The following MLXIP variants were observed in gnomAD, a reference collection of about 807,000 sequenced individuals.
MLXIP encodes the protein MLX interacting protein.
MLXIP carries 30 observed loss-of-function variants against 87.2 expected under a neutral mutation model. The ratio of observed to expected loss-of-function variants is 0.34; its 90% confidence interval spans 0.26 to 0.47. The LOEUF is 0.47. Ranked by LOEUF, MLXIP falls within the 20% of genes least tolerant of loss-of-function variation. The pLI is 1.00. For missense variants in MLXIP, 1,002 were observed against 1,240.1 expected, an observed-to-expected ratio of 0.81 and a Z score of 2.88; for synonymous variants, 530 against 514.0, an observed-to-expected ratio of 1.03 and a Z score of -0.42.
chr12:122,081,045 A>G (rs1423688694), intron 1 of MLXIP, among the ~76,000 whole-genome samples: 1 of 152,234 alleles, frequency 6.6e-6, no homozygotes, highest in Non-Finnish European at 1.5e-5. Flanking sequence ...TGGATAACCT[A>G]AAGGCTTATT....
At chr12:122,086,633 C>T (rs1952171766) in intron 1 of MLXIP, among the ~76,000 whole-genome samples, 1 of 152,124 alleles carries the variant, frequency 6.6e-6, no homozygotes, top group South Asian at 2.1e-4. Flanking sequence ...TGTTGGAGTT[C>T]TGTTGTCTGT....
chr12:122,131,441 C>CTTTTTT (rs1174308802), intron 7 of MLXIP, among the ~76,000 whole-genome samples: 7 of 76,572 alleles, frequency 9.1e-5, no homozygotes, highest in Admixed American at 3.6e-4. Flanking sequence ...TTGTTTGAGT[C>CTTTTTT]TTTTTTTTTT....
At chr12:122,097,850 C>CGA (rs1476871265) in intron 1 of MLXIP, among the ~76,000 whole-genome samples, 1 of 151,838 alleles carries the variant, frequency 6.6e-6, no homozygotes. Flanking sequence ...ATGGGTTCCC[C>CGA]CTCCCCACAA....
intron 1 of MLXIP, among the ~76,000 whole-genome samples, chr12:122,108,981 C>T (rs2135938743): frequency 6.6e-6 from 1 of 152,188 alleles, no homozygotes; most frequent in South Asian, 2.1e-4. Context: ...ATATAATTTC[C>T]TTTTTAGGTG....
Position 122,135,247 on chromosome 12 carries a change from G to A in MLXIP, c.1756G>A (p.Ala586Thr), listed in dbSNP as rs756377764. 1.3e-5 allele frequency: 21 copies of A among 1,613,408 alleles called. No individual in the cohort carries two copies. In the South Asian group the frequency reaches 2.3e-4, roughly 18 times the overall value. Residue 586 changes from alanine (A) to threonine (T), a missense_variant, in exon 10 of 17, where the codon GCG (alanine) becomes ACG (threonine). Ala to Thr is a moderately conservative substitution (Grantham distance 58, BLOSUM62 0). Coordinates refer to ENST00000319080, the MANE Select transcript of MLXIP (RefSeq NM_014938.6). This position sits in a 1 kb window ranked among gnomAD's most constrained non-coding sequence, Gnocchi z 5.3. ...AGCTGCCTTTTCAGGCCAACCACAA[G>A]CGGTGATCATGACGTCAGGGCCTCT... ...APAAFSGQPQ[A>T]VIMTSGPLKR...
intron 16 of MLXIP, 143 bp from the exon 17 acceptor site, chr12:122,141,548 C>T (rs900855278): frequency 1.5e-6 from 2 of 1,348,324 alleles, no homozygotes; most frequent in Admixed American, 2.9e-5. Context: ...GTGTCGGCCC[C>T]TGGCACTCCT....
chr12:122,141,298 T>G (rs1390104659), intron 16 of MLXIP, among the ~76,000 whole-genome samples: 2 of 152,178 alleles, frequency 1.3e-5, no homozygotes, highest in Non-Finnish European at 2.9e-5. Flanking sequence ...CAGACCCAGC[T>G]TGCATGGATC....
At chr12:122,104,726 C>T (rs1323173607) in intron 1 of MLXIP, among the ~76,000 whole-genome samples, 1 of 151,838 alleles carries the variant, frequency 6.6e-6, no homozygotes, top group East Asian at 1.9e-4. Context: ...ACTATAGGTG[C>T]CCGCCACCAC....
chr12:122,116,393 A>C (rs1952692371), intron 1 of MLXIP, among the ~76,000 whole-genome samples: 1 of 152,206 alleles, frequency 6.6e-6, no homozygotes, highest in Admixed American at 6.5e-5. Context: ...GAAAAGGCAA[A>C]GGGCATGGGC....
At chr12:122,092,741 G>A (rs1309751203) in intron 1 of MLXIP, among the ~76,000 whole-genome samples, 1 of 152,148 alleles carries the variant, frequency 6.6e-6, no homozygotes, top group African/African-American at 2.4e-5. Flanking sequence ...GGGGGAAAGG[G>A]ACAATACTTT....
At chr12:122,082,451 G>A (rs1952105577) in intron 1 of MLXIP, among the ~76,000 whole-genome samples, 1 of 152,188 alleles carries the variant, frequency 6.6e-6, no homozygotes, top group African/African-American at 2.4e-5. Flanking sequence ...GTGGAAGTGA[G>A]GATCAGCAGA....
Position 122,094,247 on chromosome 12 carries a change from TGGTG to T in MLXIP, c.413+14982_413+14985del, listed in dbSNP as rs1171994566. ...GTGTATGTGGTGTCTGGTGTGGTAT[TGGTG>T]TGTGTGTTGGTGTGTGGGTGTGTGC... On this transcript the variant is annotated intron_variant, in intron 1 of 16. Coordinates refer to ENST00000319080, the MANE Select transcript of MLXIP (RefSeq NM_014938.6). 2.2e-5 allele frequency among the ~76,000 whole-genome samples: 3 copies of T among 136,760 alleles called. No homozygotes were observed. In the East Asian group the frequency reaches 7.1e-4, roughly 32 times the overall value. The allele number at this position is 136,760 out of a possible 152,430, so 89.7% of individuals were successfully genotyped here.
Position 122,143,590 on chromosome 12 carries a change from C to G in MLXIP, c.*1778C>G, listed in dbSNP as rs1953248399. On this transcript the variant is annotated 3_prime_UTR_variant, in exon 17 of 17. Coordinates refer to ENST00000319080, the MANE Select transcript of MLXIP (RefSeq NM_014938.6). ...CACCGTGGTAGGAATTCCACCAAGG[C>G]CAGAAGGGAAAAAGGAAGAACCCAC... 1 of 152,306 alleles carries G rather than the reference C, an allele frequency of 6.6e-6. No individual in the cohort carries two copies. Among genetic ancestry groups the G allele is most frequent in the South Asian group, 2.1e-4 (1 of 4,828 alleles). The allele number at this position is 152,306 out of a possible 1,614,324, so 9.4% of individuals were successfully genotyped here. A position where few individuals can be genotyped will look rare whatever the true frequency, so the allele number is the denominator to read the frequency against.
In MLXIP at chr12:122,132,402, T is replaced by C; in HGVS notation, c.1092+19T>C. 6.3e-7 allele frequency: 1 copy of C among 1,588,474 alleles called. No homozygotes were observed. Among genetic ancestry groups the C allele is most frequent in the Non-Finnish European group, 8.6e-7 (1 of 1,162,002 alleles). On this transcript the variant is annotated intron_variant, in intron 8 of 16. Coordinates refer to ENST00000319080, the MANE Select transcript of MLXIP (RefSeq NM_014938.6). ...TGCACAGGTAGAGGAAGCTGGGGGA[T>C]GGGTGGGGGAAGGGGCTGGCAGGCA... is the stretch of plus-strand genomic sequence containing the variant.
intron 1 of MLXIP, among the ~76,000 whole-genome samples, chr12:122,103,177 A>T (rs959958865): frequency 3.1e-5 from 1 of 31,820 alleles, no homozygotes; most frequent in Non-Finnish European, 6.8e-5. Flanking sequence ...CTAATTTTAT[A>T]TGTATGTATG....
At chr12:122,126,917 C>T (rs1481610812) in intron 1 of MLXIP, among the ~76,000 whole-genome samples, 2 of 152,200 alleles carry the variant, frequency 1.3e-5, no homozygotes, top group Non-Finnish European at 2.9e-5. Flanking sequence ...ACTGCATGCC[C>T]AGTGTTCAGT....
At chr12:122,114,563 C>G (rs1232632070) in intron 1 of MLXIP, among the ~76,000 whole-genome samples, 1 of 152,110 alleles carries the variant, frequency 6.6e-6, no homozygotes, top group Non-Finnish European at 1.5e-5. Flanking sequence ...GGAACTGATA[C>G]CCTGTGCTCC....
chr12:122,098,680 G>C (rs1484029087), intron 1 of MLXIP, among the ~76,000 whole-genome samples: 1 of 152,184 alleles, frequency 6.6e-6, no homozygotes, highest in Non-Finnish European at 1.5e-5. Flanking sequence ...GGGACTTGAG[G>C]GTAGAAATTA....
intron 1 of MLXIP, among the ~76,000 whole-genome samples, chr12:122,098,369 C>T (rs1022599601): frequency 2.0e-5 from 3 of 152,210 alleles, no homozygotes; most frequent in African/African-American, 7.2e-5. Flanking sequence ...CGCTGAGCAA[C>T]TCAGATTGAG....
Sources: gnomAD v4.1 joint callset for allele counts (sites outside exome capture counted in the v4.1 genomes callset) on GRCh38, gnomAD v4.1.1 for gene constraint, Gnocchi (gnomAD v3.1) non-coding constraint, MANE v1.5 for transcripts, NCBI Gene and HGNC (gene_info 2026-07-23, HGNC 2026-07-21) for gene names.